Variants in SV2B observed in about 807,000 individuals in gnomAD.
SV2B encodes the protein synaptic vesicle glycoprotein 2B.
A neutral mutation model predicts 73.9 loss-of-function variants in SV2B; 41 were observed. The ratio of observed to expected loss-of-function variants is 0.56; its 90% CI spans 0.43 to 0.72. SV2B has a LOEUF of 0.72. Among genes scored for constraint, SV2B ranks in the 30% least tolerant of loss-of-function variants. SV2B has a pLI of 0.00. For missense variants in SV2B, 764 were observed against 857.8 expected (o/e 0.89, Z 1.37); for synonymous variants, 314 against 314.2 (o/e 1.00, Z 0.01).
intron 1 of SV2B, among the ~76,000 whole-genome samples, chr15:91,119,954 G>A (rs555466215): frequency 2.2e-4 from 33 of 152,196 alleles, no homozygotes; most frequent in African/African-American, 4.6e-4. Context: ...TAAAAGCTCC[G>A]CATATATTGA....
chr15:91,210,849 A>G (rs935928084), intron 1 of SV2B, among the ~76,000 whole-genome samples: 1 of 152,228 alleles, frequency 6.6e-6, no homozygotes, highest in African/African-American at 2.4e-5. Flanking sequence ...TAGAAAGTCT[A>G]CTGTTCTTAG....
chr15:91,129,659 A>T lies in SV2B; in HGVS notation c.-392+29296A>T, dbSNP rs577255518. Among the ~76,000 whole-genome samples the T allele has an allele frequency of 1.3e-5, 2 of 152,294 alleles. No individual in the cohort carries two copies. The highest frequency in any genetic ancestry group is 4.8e-5 in the African/African-American group (2 of 41,566). On this transcript the variant is annotated intron_variant, in intron 1 of 12. Coordinates refer to ENST00000394232, the MANE Select transcript of SV2B (RefSeq NM_001323032.3). This position sits in a 1 kb window ranked among gnomAD's most constrained non-coding sequence, Gnocchi z 5.1. ...CATGCAGAGGGCAGTGGTAGGTATG[A>T]GGGAGCCAGCGGAGGCTTCTTTGGA... is the stretch of plus-strand genomic sequence containing the variant.
intron 6 of SV2B, among the ~76,000 whole-genome samples, chr15:91,263,333 TACAGACACACATGAAG>T (rs1437002548): frequency 8.4e-6 from 1 of 118,822 alleles, no homozygotes; most frequent in African/African-American, 3.3e-5. Flanking sequence ...GAGGCACACA[TACAGACACACATGAAG>T]ACAGACACAC....
At chr15:91,188,313 TTATTTATTTATTTATTTTG>T (rs1439809916) in intron 1 of SV2B, among the ~76,000 whole-genome samples, 18 of 98,466 alleles carry the variant, frequency 1.8e-4, no homozygotes, top group African/African-American at 6.2e-4. Flanking sequence ...ATTTATTTAT[TTATTTATTTATTTATTTTG>T]AGACAGAGTC....
In SV2B at chr15:91,261,438, C is replaced by T. The variant is rs548136631; in HGVS notation, c.1008+1029C>T. 1.9e-4 allele frequency among the ~76,000 whole-genome samples: 29 copies of T among 152,132 alleles called. No individual in the cohort carries two copies. Among genetic ancestry groups the T allele is most frequent in the Non-Finnish European group, 3.8e-4 (26 of 68,024 alleles). On this transcript the variant is annotated intron_variant, in intron 6 of 12. Transcript: ENST00000394232. The surrounding 1 kb of genome is among the most constrained non-coding windows in gnomAD (Gnocchi z 4.7). ...ATGTTACAAACATTAACATGGTTTT[C>T]CTAACATGTCTCTAATGTTAGAAGC...
At chr15:91,116,969 C>T (rs534081482) in intron 1 of SV2B, among the ~76,000 whole-genome samples, 15 of 152,216 alleles carry the variant, frequency 9.9e-5, no homozygotes, top group Admixed American at 6.5e-5. Flanking sequence ...AAACCTGCCC[C>T]CATGATTCAG....
chr15:91,198,826 T>C (rs909662114), intron 1 of SV2B, among the ~76,000 whole-genome samples: 3 of 152,198 alleles, frequency 2.0e-5, no homozygotes, highest in Non-Finnish European at 4.4e-5. Context: ...TGTTGCTGTA[T>C]GCATGCAGCT....
intron 1 of SV2B, among the ~76,000 whole-genome samples, chr15:91,218,568 T>C (rs766811162): frequency 4.6e-5 from 7 of 152,172 alleles, no homozygotes; most frequent in Non-Finnish European, 1.0e-4. Flanking sequence ...TGTTGACTCT[T>C]CTCTTTCTTT....
At chr15:91,187,384 G>C (rs1027614866) in intron 1 of SV2B, among the ~76,000 whole-genome samples, 4 of 152,162 alleles carry the variant, frequency 2.6e-5, no homozygotes, top group Admixed American at 2.6e-4. Flanking sequence ...TTACGTGGCA[G>C]CAGAACAAGA....
rs1257646115 is a variant in SV2B at position 91,268,923 on chromosome 15, G to A, written c.1373+318G>A. 2.0e-5 allele frequency among the ~76,000 whole-genome samples: 3 copies of A among 152,292 alleles called. No homozygotes were observed. In the South Asian group the frequency reaches 6.2e-4, roughly 32 times the overall value. On this transcript the variant is annotated intron_variant, in intron 9 of 12. Coordinates refer to ENST00000394232, the MANE Select transcript of SV2B (RefSeq NM_001323032.3). The surrounding 1 kb of genome is among the most constrained non-coding windows in gnomAD (Gnocchi z 4.4). ...CATTAAGAGTGGCTGCCCAGAGAAA[G>A]GGCCTAGGGCTCTTACTGCTGAGAT...
chr15:91,195,700 C>G (rs2045221240), intron 1 of SV2B, among the ~76,000 whole-genome samples: 1 of 152,144 alleles, frequency 6.6e-6, no homozygotes, highest in African/African-American at 2.4e-5. Context: ...ATTTTGGGTA[C>G]ATTACTTAAA....
Position 91,252,532 on chromosome 15 carries a change from C to T in SV2B, c.784+12C>T. On this transcript the variant is annotated intron_variant, in intron 4 of 12. Coordinates refer to ENST00000394232, the MANE Select transcript of SV2B (RefSeq NM_001323032.3). This position sits in a 1 kb window ranked among gnomAD's most constrained non-coding sequence, Gnocchi z 4.6. ...CATCCCACACTATGGTGAGTCATGG[C>T]TCCAAACAGCCTAGGGGGCCCTGTT... 2 of 1,591,226 alleles carry T rather than the reference C, an allele frequency of 1.3e-6. No individual in the cohort carries two copies. The highest frequency in any genetic ancestry group is 1.7e-6 in the Non-Finnish European group (2 of 1,167,716).
chr15:91,174,965 A>G lies in SV2B; in HGVS notation c.-391-50908A>G, dbSNP rs2044249523. ...AGATGCCAAGGGGAGATGGATCACC[A>G]TGAAGTTCTCCAAGAGCATGGATGG... On this transcript the variant is annotated intron_variant, in intron 1 of 12. Transcript: ENST00000394232. 2.6e-5 allele frequency among the ~76,000 whole-genome samples: 4 copies of G among 152,288 alleles called. No individual in the cohort carries two copies. In the South Asian group the frequency reaches 8.3e-4, roughly 32 times the overall value.
intron 1 of SV2B, among the ~76,000 whole-genome samples, chr15:91,215,623 A>G (rs2045999298): frequency 6.6e-6 from 1 of 152,210 alleles, no homozygotes; most frequent in South Asian, 2.1e-4. Flanking sequence ...TAGTATAACC[A>G]TAAATACATG....
Position 91,258,646 on chromosome 15 carries a change from C to A in SV2B, c.918+92C>A. On this transcript the variant is annotated intron_variant, in intron 5 of 12. Transcript: ENST00000394232. This position sits in a 1 kb window ranked among gnomAD's most constrained non-coding sequence, Gnocchi z 4.7. The stretch of plus-strand genomic sequence containing the variant: ...TTCTCTCAGCTCCTAGTCCCACATC[C>A]TCTGCTGCTTATGTGTTGCAAACTC... The A allele has an allele frequency of 6.4e-7, 1 of 1,566,612 alleles. No homozygotes were observed. Among genetic ancestry groups the A allele is most frequent in the South Asian group, 1.2e-5 (1 of 83,424 alleles).
At chr15:91,119,246 TC>T (rs2151741416) in intron 1 of SV2B, among the ~76,000 whole-genome samples, 1 of 152,322 alleles carries the variant, frequency 6.6e-6, no homozygotes, top group East Asian at 1.9e-4. Context: ...CTTTTAGCTC[TC>T]AGGGAGATAT....
At chr15:91,158,723 C>CCTCTCCTCTT (rs796783494) in intron 1 of SV2B, among the ~76,000 whole-genome samples, 9,081 of 57,186 alleles carry the variant, frequency 0.16, 2,359 homozygotes, top group Non-Finnish European at 0.21. Context: ...CCTCTCCTCT[C>CCTCTCCTCTT]CTCTCTTCTC....
chr15:91,257,275 A>G (rs2047731646), intron 4 of SV2B, among the ~76,000 whole-genome samples: 1 of 152,184 alleles, frequency 6.6e-6, no homozygotes, highest in Non-Finnish European at 1.5e-5. Flanking sequence ...CACATGACAA[A>G]TCTATGGAGG....
At position 91,220,560 on chromosome 15, in the gene SV2B, A is replaced by G. The variant is rs1160674003; in HGVS notation, c.-391-5313A>G. ...TATTTTTAACTTTGTTTTCTGTGAT[A>G]TTTAGTAATAAGCAAGAGTTTGCTG... On this transcript the variant is annotated intron_variant, in intron 1 of 12. Coordinates refer to ENST00000394232, the MANE Select transcript of SV2B (RefSeq NM_001323032.3). This position sits in a 1 kb window ranked among gnomAD's most constrained non-coding sequence, Gnocchi z 4.1. Among the ~76,000 whole-genome samples, 2 of 152,252 alleles carry G rather than the reference A, an allele frequency of 1.3e-5. No individual in the cohort carries two copies. The highest frequency in any genetic ancestry group is 4.1e-4 in the South Asian group (2 of 4,832).
Sources: allele counts gnomAD v4.1 joint callset (sites outside exome capture counted in the v4.1 genomes callset), GRCh38; gene constraint gnomAD v4.1.1; non-coding constraint Gnocchi (gnomAD v3.1); transcripts MANE v1.5; gene names NCBI Gene and HGNC (gene_info 2026-07-23, HGNC 2026-07-21).